Variants in ATP9A observed in about 807,000 individuals in gnomAD.
ATP9A encodes the protein probable phospholipid-transporting ATPase IIA.
Under a neutral mutation model 144.1 loss-of-function variants are expected in ATP9A, and 52 were observed. The ratio of observed to expected loss-of-function variants is 0.36; its 90% CI spans 0.29 to 0.45. The LOEUF (loss-of-function observed/expected upper bound fraction) is 0.45. Among genes scored for constraint, ATP9A ranks in the 20% least tolerant of loss-of-function variants. The pLI is 1.00. For missense variants in ATP9A, 947 were observed against 1,392.7 expected (o/e 0.68, Z 5.09); for synonymous variants, 582 against 557.4 (o/e 1.04, Z -0.62).
At chr20:51,714,679 T>C (rs536359996) in intron 3 of ATP9A, among the ~76,000 whole-genome samples, 87 of 152,336 alleles carry the variant, frequency 5.7e-4, no homozygotes, top group African/African-American at 2.0e-3. Context: ...AGATGGGTTT[T>C]TGCCATGTTG....
chr20:51,698,399 T>C (rs1212659493), intron 4 of ATP9A, among the ~76,000 whole-genome samples: 2 of 152,196 alleles, frequency 1.3e-5, no homozygotes, highest in East Asian at 3.9e-4. Flanking sequence ...GGCACATGCC[T>C]ATAGTCCCGG....
chr20:51,711,787 A>AGG (rs67259158), intron 4 of ATP9A, among the ~76,000 whole-genome samples: 109 of 95,450 alleles, frequency 1.1e-3, no homozygotes, highest in African/African-American at 2.6e-3. Context: ...ATATCTTGCA[A>AGG]GTGGGGGGTC....
chr20:51,753,816 G>A (rs549147204), intron 1 of ATP9A, among the ~76,000 whole-genome samples: 144 of 151,126 alleles, frequency 9.5e-4, no homozygotes, highest in African/African-American at 3.4e-3. Context: ...ACAGGCATGT[G>A]CCACCATGCC....
chr20:51,607,509 G>C lies in ATP9A; in HGVS notation c.2803+18C>G, dbSNP rs376369640. 1 of 1,599,966 alleles carries C rather than the reference G, an allele frequency of 6.3e-7. No individual in the cohort carries two copies. The highest frequency in any genetic ancestry group is 1.1e-5 in the South Asian group (1 of 90,342). ...GTACCAGAGCACAAGACAAACAGGT[G>C]TCTCCACTCATCCTTACCTTGATAG... On this transcript the variant is annotated intron_variant, in intron 26 of 27. Coordinates refer to ENST00000338821, the MANE Select transcript of ATP9A (RefSeq NM_006045.3).
intron 4 of ATP9A, among the ~76,000 whole-genome samples, chr20:51,704,592 C>CT (rs1383885648): frequency 6.6e-6 from 1 of 152,028 alleles, no homozygotes; most frequent in Non-Finnish European, 1.5e-5. Flanking sequence ...ACCAGCCTGA[C>CT]TGACATGGAG....
At chr20:51,668,593 C>T (rs1032619147) in intron 13 of ATP9A, among the ~76,000 whole-genome samples, 4 of 152,062 alleles carry the variant, frequency 2.6e-5, no homozygotes, top group Non-Finnish European at 4.4e-5. Context: ...GTCAAAGAGA[C>T]AGAAAGGAAA....
chr20:51,654,737 T>G (rs956864657), intron 14 of ATP9A, among the ~76,000 whole-genome samples: 4 of 152,082 alleles, frequency 2.6e-5, no homozygotes, highest in Non-Finnish European at 5.9e-5. Context: ...AGACCCCATC[T>G]CTAAAAATAA....
At chr20:51,742,274 C>T (rs544956530) in intron 1 of ATP9A, among the ~76,000 whole-genome samples, 58 of 150,374 alleles carry the variant, frequency 3.9e-4, no homozygotes, top group African/African-American at 1.4e-3. Context: ...GCAGTGAGCC[C>T]TGATCATGCC....
At chr20:51,727,666 T>C (rs1433993918) in intron 2 of ATP9A, among the ~76,000 whole-genome samples, 1 of 151,124 alleles carries the variant, frequency 6.6e-6, no homozygotes, top group Admixed American at 6.6e-5. Context: ...ACACAGTGGC[T>C]CACGCCTGTA....
chr20:51,640,471 G>A (rs1245202437), intron 14 of ATP9A, among the ~76,000 whole-genome samples: 1 of 152,220 alleles, frequency 6.6e-6, no homozygotes, highest in East Asian at 1.9e-4. Context: ...CTGAGGTGGA[G>A]AACACGGGTC....
chr20:51,741,597 A>G (rs1011529524), intron 1 of ATP9A, among the ~76,000 whole-genome samples: 5 of 152,172 alleles, frequency 3.3e-5, no homozygotes, highest in African/African-American at 1.2e-4. Context: ...AAATAAAAAT[A>G]AAAAAGGAAG....
rs139167037 is a variant in ATP9A at position 51,637,790 on chromosome 20, G to A, written c.1668+1553C>T. 1.0e-3 allele frequency among the ~76,000 whole-genome samples: 149 copies of A among 149,374 alleles called. 1 individual carries two copies. The highest frequency in any genetic ancestry group is 3.6e-3 in the African/African-American group (145 of 40,580). ...TTTAACAGTGATTTATGAGATTTTC[G>A]TGCACCCATCACCTGAGCAGTATAC... On this transcript the variant is annotated intron_variant, in intron 15 of 27. Coordinates refer to ENST00000338821, the MANE Select transcript of ATP9A (RefSeq NM_006045.3).
intron 27 of ATP9A, among the ~76,000 whole-genome samples, chr20:51,603,696 C>T (rs1210336134): frequency 6.6e-6 from 1 of 152,148 alleles, no homozygotes; most frequent in Admixed American, 6.6e-5. Context: ...CTACTGAGGT[C>T]AGAGAAATCT....
chr20:51,670,398 G>A (rs546186648), intron 12 of ATP9A, among the ~76,000 whole-genome samples: 26 of 152,300 alleles, frequency 1.7e-4, no homozygotes, highest in African/African-American at 5.1e-4. Flanking sequence ...TTGGCCAAGA[G>A]GGTGACAAAT....
chr20:51,630,654 T>C (rs900198270), intron 15 of ATP9A, among the ~76,000 whole-genome samples: 1 of 151,764 alleles, frequency 6.6e-6, no homozygotes, highest in Admixed American at 6.6e-5. Context: ...TGAGCTGAGA[T>C]TGCACCATTG....
chr20:51,753,319 C>T (rs1321670584), intron 1 of ATP9A, among the ~76,000 whole-genome samples: 1 of 152,044 alleles, frequency 6.6e-6, no homozygotes, highest in Admixed American at 6.6e-5. Flanking sequence ...GTGGTGTGCA[C>T]CTGTAGTCCT....
chr20:51,721,529 G>A (rs368070118), intron 3 of ATP9A, among the ~76,000 whole-genome samples: 21 of 152,150 alleles, frequency 1.4e-4, no homozygotes, highest in African/African-American at 4.3e-4. Context: ...GCCAGGCGCA[G>A]TGGCTCATGC....
chr20:51,639,220 C>A, intron 15 of ATP9A, 123 bp downstream of exon 15: 2 of 1,087,206 alleles, frequency 1.8e-6, no homozygotes, highest in Non-Finnish European at 2.6e-6. Context: ...AATTATATTC[C>A]CTTGTTAGTC....
chr20:51,767,660 G>T (rs992586698), intron 1 of ATP9A, among the ~76,000 whole-genome samples: 1 of 152,132 alleles, frequency 6.6e-6, no homozygotes, highest in African/African-American at 2.4e-5. Context: ...CCGAAATTGT[G>T]GGGGGAGAAC....
Sources: gnomAD v4.1 joint callset for allele counts (sites outside exome capture counted in the v4.1 genomes callset) on GRCh38, gnomAD v4.1.1 for gene constraint, MANE v1.5 for transcripts, NCBI Gene and HGNC (gene_info 2026-07-23, HGNC 2026-07-21) for gene names.